NEGR1: variants seen among roughly 807,000 people sequenced by gnomAD.
NEGR1 encodes the protein neuronal growth regulator 1, also known as IgLON family member 4.
In NEGR1, 10 loss-of-function variants were observed where a neutral mutation model predicts 40.9. That is an observed-to-expected ratio of 0.24 (90% confidence interval 0.15 to 0.42). The LOEUF (loss-of-function observed/expected upper bound fraction) is 0.42, where lower values mean the gene tolerates loss of function less well. NEGR1 is among the 10% of genes least tolerant of loss of function. The probability of loss-of-function intolerance (pLI) is 1.00; values close to 1 mark genes in which losing one functional copy is unlikely to be tolerated. For missense variants in NEGR1, 352 were observed against 438.9 expected (o/e 0.80, Z 1.77); for synonymous variants, 185 against 166.8 (o/e 1.11, Z -0.84).
At chr1:71,533,934 C>A (rs1402475272) in intron 6 of NEGR1, among the ~76,000 whole-genome samples, 1 of 151,654 alleles carries the variant, frequency 6.6e-6, no homozygotes, top group Non-Finnish European at 1.5e-5. Context: ...GCACTCATTT[C>A]ACATAAATAA....
intron 2 of NEGR1, among the ~76,000 whole-genome samples, chr1:71,823,314 T>C (rs768529901): frequency 2.0e-5 from 3 of 151,820 alleles, no homozygotes; most frequent in Non-Finnish European, 4.4e-5. Context: ...AGGTGTGATC[T>C]AAATATGATC....
At chr1:71,581,805 T>C (rs924559737) in intron 6 of NEGR1, among the ~76,000 whole-genome samples, 1 of 151,828 alleles carries the variant, frequency 6.6e-6, no homozygotes, top group African/African-American at 2.4e-5. Context: ...TGGGCTCAAG[T>C]GATCCTCCCA....
chr1:72,097,137 G>T (rs1648733670), intron 1 of NEGR1, among the ~76,000 whole-genome samples: 1 of 152,062 alleles, frequency 6.6e-6, no homozygotes, highest in South Asian at 2.1e-4. Flanking sequence ...TTGAGAAGTG[G>T]TATTTTATAA....
intron 3 of NEGR1, among the ~76,000 whole-genome samples, chr1:71,725,347 TTTA>T (rs1462311314): frequency 6.6e-6 from 1 of 152,092 alleles, no homozygotes; most frequent in Non-Finnish European, 1.5e-5. Flanking sequence ...TTCGGAAAAT[TTTA>T]TTGTTATAGA....
chr1:72,079,522 A>G (rs1371292865), intron 1 of NEGR1, among the ~76,000 whole-genome samples: 1 of 152,164 alleles, frequency 6.6e-6, no homozygotes, highest in Non-Finnish European at 1.5e-5. Flanking sequence ...GTACAAAAGA[A>G]AAAATGAACT....
At chr1:71,652,606 T>C (rs1012878090) in intron 4 of NEGR1, among the ~76,000 whole-genome samples, 39 of 152,114 alleles carry the variant, frequency 2.6e-4, no homozygotes, top group African/African-American at 9.2e-4. Context: ...GTGTGGTGGC[T>C]CACGCGTATA....
At chr1:71,430,564 A>G (rs759740709) in intron 6 of NEGR1, among the ~76,000 whole-genome samples, 2 of 152,084 alleles carry the variant, frequency 1.3e-5, no homozygotes, top group Non-Finnish European at 2.9e-5. Flanking sequence ...AGAGTTGGCT[A>G]TAAAACATCC....
intron 1 of NEGR1, among the ~76,000 whole-genome samples, chr1:72,134,291 C>T (rs1650366656): frequency 6.6e-6 from 1 of 151,228 alleles, no homozygotes; most frequent in Non-Finnish European, 1.5e-5. Flanking sequence ...CTGCAAGCTC[C>T]ACCTCCCGGG....
At chr1:71,545,654 A>C (rs1647870772) in intron 6 of NEGR1, among the ~76,000 whole-genome samples, 1 of 151,520 alleles carries the variant, frequency 6.6e-6, no homozygotes, top group Admixed American at 6.6e-5. Context: ...ATTGTGTGCC[A>C]AATCTCTCAA....
intron 1 of NEGR1, among the ~76,000 whole-genome samples, chr1:72,056,590 T>C (rs529861404): frequency 6.6e-6 from 1 of 151,564 alleles, no homozygotes; most frequent in South Asian, 2.1e-4. Context: ...GGGATATGAA[T>C]ATCAACAGAT....
chr1:71,632,773 A>G (rs1054861603), intron 4 of NEGR1, among the ~76,000 whole-genome samples: 11 of 151,958 alleles, frequency 7.2e-5, no homozygotes, highest in African/African-American at 2.7e-4. Context: ...TGCCTTGAAT[A>G]TAATAAATAT....
intron 1 of NEGR1, among the ~76,000 whole-genome samples, chr1:71,982,761 A>C (rs1646364649): frequency 6.6e-6 from 1 of 152,186 alleles, no homozygotes; most frequent in African/African-American, 2.4e-5. Flanking sequence ...GTTTAATTAG[A>C]GAGTGCCTGC....
chr1:71,521,537 T>C (rs1647157260), intron 6 of NEGR1, among the ~76,000 whole-genome samples: 1 of 152,038 alleles, frequency 6.6e-6, no homozygotes, highest in Admixed American at 6.6e-5. Flanking sequence ...TCTACTATAT[T>C]TCTTGAGTAC....
At chr1:72,239,238 A>T (rs935941580) in intron 1 of NEGR1, among the ~76,000 whole-genome samples, 1 of 151,846 alleles carries the variant, frequency 6.6e-6, no homozygotes, top group Non-Finnish European at 1.5e-5. Context: ...GTATTTTTTC[A>T]TGATCAAAGA....
intron 3 of NEGR1, among the ~76,000 whole-genome samples, chr1:71,746,172 TA>T (rs1203317150): frequency 6.6e-6 from 1 of 152,248 alleles, no homozygotes; most frequent in Non-Finnish European, 1.5e-5. Context: ...CTTTTCTTGC[TA>T]ACCTGTCTTT....
chr1:71,482,153 A>T (rs1167077419), intron 6 of NEGR1, among the ~76,000 whole-genome samples: 1 of 151,778 alleles, frequency 6.6e-6, no homozygotes, highest in African/African-American at 2.4e-5. Context: ...TCATACTGAT[A>T]CCTCTCTACA....
At chr1:71,700,485 C>T (rs2101631315) in intron 3 of NEGR1, among the ~76,000 whole-genome samples, 1 of 152,034 alleles carries the variant, frequency 6.6e-6, no homozygotes, top group East Asian at 1.9e-4. Context: ...CTGAAAGATG[C>T]TATTTGTACT....
intron 3 of NEGR1, among the ~76,000 whole-genome samples, chr1:71,734,917 T>C (rs917710348): frequency 6.6e-6 from 1 of 151,834 alleles, no homozygotes; most frequent in Non-Finnish European, 1.5e-5. Flanking sequence ...AACTTTTTTT[T>C]CCCCTCCATT....
chr1:71,603,451 C>T (rs893932999), intron 5 of NEGR1, among the ~76,000 whole-genome samples: 2 of 152,158 alleles, frequency 1.3e-5, no homozygotes, highest in Non-Finnish European at 2.9e-5. Context: ...GTCTGCTTTC[C>T]TTCAAGTCAT....
Sources: gnomAD v4.1 joint callset for allele counts (sites outside exome capture counted in the v4.1 genomes callset) on GRCh38, gnomAD v4.1.1 for gene constraint, MANE v1.5 for transcripts, NCBI Gene and HGNC (gene_info 2026-07-23, HGNC 2026-07-21) for gene names.